The following PLA2G1B variants were observed in gnomAD, a reference collection of about 807,000 sequenced individuals.
The protein encoded by PLA2G1B is phospholipase A2 group IB.
In PLA2G1B, 12 loss-of-function variants were observed where a neutral mutation model predicts 12.5. The observed-to-expected ratio is 0.96, with a 90% CI of 0.62 to 1.56. PLA2G1B has a LOEUF of 1.56. PLA2G1B is among the 40% of genes most tolerant of loss of function. The pLI, the probability that PLA2G1B is intolerant of heterozygous loss-of-function variation, is 0.00. For synonymous variants in PLA2G1B, 81 were observed against 73.4 expected (o/e 1.10, Z -0.53); for missense variants, 189 against 186.7 (o/e 1.01, Z -0.07).
At chr12:120,325,586 C>A (rs1440199023) in intron 2 of PLA2G1B, among the ~76,000 whole-genome samples, 2 of 152,182 alleles carry the variant, frequency 1.3e-5, no homozygotes, top group Non-Finnish European at 2.9e-5. Flanking sequence ...GAAAATGACA[C>A]GTGGATAGTT....
Position 120,325,924 on chromosome 12 carries a change from T to C in PLA2G1B, c.131A>G (p.Tyr44Cys), listed in dbSNP as rs755246596. 6.2e-7 allele frequency: 1 copy of C among 1,614,192 alleles called. No individual in the cohort carries two copies. Among genetic ancestry groups the C allele is most frequent in the South Asian group, 1.1e-5 (1 of 91,088 alleles). ...VIPGSDPFLEYNNYGCYCGLG... is the reference protein window; with the variant it reads ...VIPGSDPFLECNNYGCYCGLG... ...GCCACAGTAGCAGCCGTAGTTGTTG[T>C]ATTCCAAGAAGGGGTCACTCCCCGG... The change falls in exon 2 of 4, where the codon TAC becomes TGC. Residue 44 changes from tyrosine to cysteine, a missense_variant. Physicochemically the swap from Tyr to Cys is radical, Grantham distance 194. Transcript: ENST00000308366.
intron 3 of PLA2G1B, among the ~76,000 whole-genome samples, chr12:120,323,406 C>T (rs1473138806): frequency 6.6e-6 from 1 of 152,016 alleles, no homozygotes; most frequent in African/African-American, 2.4e-5. Context: ...GCTGGGACTA[C>T]AGGCATGCAT....
chr12:120,322,263 A>G lies in PLA2G1B; in HGVS notation c.377T>C (p.Ile126Thr). The change falls in exon 4 of 4, where the codon ATC (isoleucine) becomes ACC (threonine). Residue 126 changes from isoleucine (I) to threonine (T), a missense_variant. Ile to Thr is a moderately conservative substitution (Grantham distance 89). Transcript: ENST00000308366. Reference protein sequence around the residue: ...FICNCDRNAAICFSKAPYNKA... With the variant: ...FICNCDRNAATCFSKAPYNKA... ...GTTATATGGAGCTTTTGAAAAGCAG[A>G]TGGCAGCGTTGCGGTCGCAGTTGCA... The G allele has an allele frequency of 6.2e-7, 1 of 1,614,056 alleles. No homozygotes were observed. Among genetic ancestry groups the G allele is most frequent in the Non-Finnish European group, 8.5e-7 (1 of 1,179,962 alleles).
At chr12:120,324,735 C>T (rs1317214781) in intron 3 of PLA2G1B, among the ~76,000 whole-genome samples, 199 bp downstream of exon 3, 1 of 152,144 alleles carries the variant, frequency 6.6e-6, no homozygotes, top group Non-Finnish European at 1.5e-5. Flanking sequence ...GCAAATAGCT[C>T]AGCCTTCTGA....
intron 1 of PLA2G1B, among the ~76,000 whole-genome samples, chr12:120,326,699 G>A (rs1354999463): frequency 5.3e-5 from 8 of 151,730 alleles, no homozygotes; most frequent in Non-Finnish European, 1.0e-4. Context: ...GGCCGGGCAC[G>A]GTGGCTCATG....
intron 3 of PLA2G1B, 30 bp downstream of exon 3, chr12:120,324,904 A>G: frequency 6.2e-7 from 1 of 1,612,532 alleles, no homozygotes; most frequent in Non-Finnish European, 8.5e-7. Context: ...ACCAACTAGA[A>G]TTCATAGGTC....
intron 1 of PLA2G1B, among the ~76,000 whole-genome samples, chr12:120,327,024 T>A (rs1299749079): frequency 6.6e-6 from 1 of 151,552 alleles, no homozygotes; most frequent in Non-Finnish European, 1.5e-5. Context: ...GGATACTGCA[T>A]TAGAAAGGGG....
intron 3 of PLA2G1B, among the ~76,000 whole-genome samples, chr12:120,324,670 A>G (rs1358465538): frequency 6.6e-6 from 1 of 151,956 alleles, no homozygotes; most frequent in Admixed American, 6.6e-5. Flanking sequence ...CCTGTCTCTA[A>G]ACAACAACAA....
At chr12:120,326,094 G>C (rs952423965) in intron 1 of PLA2G1B, 74 bp from the exon 2 acceptor site, 9 of 1,523,512 alleles carry the variant, frequency 5.9e-6, no homozygotes, top group East Asian at 2.3e-5. Flanking sequence ...CTGCTCCCTC[G>C]GGTCCCACGC....
At position 120,322,321 on chromosome 12, in the gene PLA2G1B, G is replaced by C; in HGVS notation, c.323-4C>G. On this transcript the variant is annotated splice_region_variant and splice_polypyrimidine_tract_variant and intron_variant, in intron 3 of 3. Transcript: ENST00000308366. ...GCCTCACACTCTTTGTTTTTGCCTG[G>C]AGAGGGATGAAAGGAGAGGACTGAG... The C allele has an allele frequency of 1.2e-6, 2 of 1,613,608 alleles. No homozygotes were observed. Among genetic ancestry groups the C allele is most frequent in the South Asian group, 2.2e-5 (2 of 91,018 alleles).
rs1319887884 is a variant in PLA2G1B at position 120,322,168 on chromosome 12, A to C, written c.*25T>G. The C allele has an allele frequency of 6.8e-6, 11 of 1,612,196 alleles. No homozygotes were observed. Among genetic ancestry groups the C allele is most frequent in the Non-Finnish European group, 9.3e-6 (11 of 1,178,820 alleles). The stretch of plus-strand genomic sequence containing the variant: ...GTACAGTGTGAGATGAGGCAGATAG[A>C]GGTGATGCTTTTGAGAGGTGATATT... On this transcript the variant is annotated 3_prime_UTR_variant, in exon 4 of 4. Coordinates refer to ENST00000308366, the MANE Select transcript of PLA2G1B (RefSeq NM_000928.3).
At chr12:120,327,171 A>T (rs1381656721) in intron 1 of PLA2G1B, among the ~76,000 whole-genome samples, 1 of 151,570 alleles carries the variant, frequency 6.6e-6, no homozygotes, top group East Asian at 1.9e-4. Flanking sequence ...CTTGAGAGCT[A>T]CAAGTCCCAG....
At chr12:120,324,770 T>C (rs1873304276) in intron 3 of PLA2G1B, among the ~76,000 whole-genome samples, 164 bp downstream of exon 3, 1 of 152,190 alleles carries the variant, frequency 6.6e-6, no homozygotes, top group South Asian at 2.1e-4. Context: ...ATCTGTTAAG[T>C]GAGGATAATT....
Position 120,322,332 on chromosome 12 carries a change from A to G in PLA2G1B, c.323-15T>C, listed in dbSNP as rs202174177. 18 of 1,613,062 alleles carry G rather than the reference A, an allele frequency of 1.1e-5. No individual in the cohort carries two copies. The highest frequency in any genetic ancestry group is 1.4e-5 in the Non-Finnish European group (17 of 1,179,512). On this transcript the variant is annotated splice_polypyrimidine_tract_variant and intron_variant, in intron 3 of 3. Coordinates refer to ENST00000308366, the MANE Select transcript of PLA2G1B (RefSeq NM_000928.3). The stretch of plus-strand genomic sequence containing the variant: ...TTTGTTTTTGCCTGGAGAGGGATGA[A>G]AGGAGAGGACTGAGCCAAGGTGGAC...
rs947181387 is a variant in PLA2G1B, at chr12:120,325,031, G to A, written c.225C>T (p.Asp75=). 13 of 1,614,036 alleles carry A rather than the reference G, an allele frequency of 8.1e-6. No homozygotes were observed. Among genetic ancestry groups the A allele is most frequent in the Non-Finnish European group, 9.3e-6 (11 of 1,179,994 alleles). The change falls in exon 3 of 4, where the codon GAC becomes GAT. Residue 75 remains aspartate (D), a synonymous_variant. Coordinates refer to ENST00000308366, the MANE Select transcript of PLA2G1B (RefSeq NM_000928.3). ...KCCQTHDNCY[D]QAKKLDSCKF... is the part of the protein sequence containing the mutation. The stretch of plus-strand genomic sequence containing the variant: ...TACAGCTGTCCAGCTTCTTGGCCTG[G>A]TCATAGCAGTTGTCATGTGTCTGGC...
chr12:120,327,719 C>T lies in PLA2G1B; in HGVS notation c.34+1G>A, dbSNP rs146382341. On this transcript the variant is annotated splice_donor_variant, in intron 1 of 3. Coordinates refer to ENST00000308366, the MANE Select transcript of PLA2G1B (RefSeq NM_000928.3). LOFTEE classifies it high-confidence loss of function. ...GGGTGGAGCCGGGGAGACTTGCCTA[C>T]CTGTGAGCAGCACAGCTAGCACAAG... 52 of 1,613,760 alleles carry T rather than the reference C, an allele frequency of 3.2e-5. No homozygotes were observed. The African/African-American group carries it at 6.3e-4, about 19-fold the overall frequency.
intron 2 of PLA2G1B, among the ~76,000 whole-genome samples, chr12:120,325,583 A>G (rs958498502): frequency 6.6e-6 from 1 of 152,202 alleles, no homozygotes. Context: ...CTAGAAAATG[A>G]CACGTGGATA....
intron 3 of PLA2G1B, 76 bp downstream of exon 3, chr12:120,324,858 C>G (rs1873306041): frequency 6.8e-7 from 1 of 1,460,654 alleles, no homozygotes; most frequent in African/African-American, 1.4e-5. Flanking sequence ...TAAATCATGG[C>G]TGTTGTTACT....
chr12:120,324,289 ACT>A (rs1369540764), intron 3 of PLA2G1B, among the ~76,000 whole-genome samples: 2 of 151,800 alleles, frequency 1.3e-5, no homozygotes, highest in East Asian at 1.9e-4. Flanking sequence ...ATGAAGTGAG[ACT>A]CTGTCTCAAA....
Sources: gnomAD v4.1 joint callset for allele counts (sites outside exome capture counted in the v4.1 genomes callset) on GRCh38, gnomAD v4.1.1 for gene constraint, MANE v1.5 for transcripts, NCBI Gene and HGNC (gene_info 2026-07-23, HGNC 2026-07-21) for gene names.